GBP7: variants seen among roughly 807,000 people sequenced by gnomAD.
The protein encoded by GBP7 is guanylate-binding protein 7.
A neutral mutation model predicts 61.3 loss-of-function variants in GBP7; 43 were observed. The ratio of observed to expected loss-of-function variants is 0.70; its 90% CI spans 0.55 to 0.91. GBP7 has a LOEUF of 0.91. GBP7 is among the 40% of genes least tolerant of loss of function. The probability of loss-of-function intolerance (pLI) is 0.00; values close to 1 mark genes in which losing one functional copy is unlikely to be tolerated. For missense variants in GBP7, 717 were observed against 740.5 expected (o/e 0.97, Z 0.37); for synonymous variants, 267 against 271.0 (o/e 0.99, Z 0.14).
chr1:89,138,768 T>C (rs1557452314), intron 9 of GBP7, among the ~76,000 whole-genome samples: 1 of 152,124 alleles, frequency 6.6e-6, no homozygotes, highest in East Asian at 1.9e-4. Context: ...ACATAGGCAC[T>C]GGCAAAGATT....
chr1:89,166,910 C>T (rs1192760157), intron 2 of GBP7, among the ~76,000 whole-genome samples: 1 of 152,220 alleles, frequency 6.6e-6, no homozygotes, highest in East Asian at 1.9e-4. Context: ...GAGTAAGCTC[C>T]TGTAAACAAA....
intron 3 of GBP7, among the ~76,000 whole-genome samples, chr1:89,160,257 T>C (rs1218345334): frequency 6.6e-6 from 1 of 152,132 alleles, no homozygotes; most frequent in Non-Finnish European, 1.5e-5. Context: ...ATATACCTAA[T>C]GTAAATGACA....
intron 2 of GBP7, among the ~76,000 whole-genome samples, chr1:89,165,714 A>G (rs1647406907): frequency 1.3e-5 from 2 of 151,736 alleles, no homozygotes; most frequent in African/African-American, 2.4e-5. Flanking sequence ...TGGGGGTCCA[A>G]CAATGGGGAC....
In GBP7 at chr1:89,165,500, CAA is replaced by C. The variant is rs373264074; in HGVS notation, c.191-644_191-643del. On this transcript the variant is annotated intron_variant, in intron 2 of 10. Coordinates refer to ENST00000294671, the MANE Select transcript of GBP7 (RefSeq NM_207398.3). ...CTGGTGACAGAGTGAGACTCCGTCT[CAA>C]AAAAAAAGAAAAAAAAAAAAAGCCA... Among the ~76,000 whole-genome samples the C allele has an allele frequency of 2.8e-3, 166 of 59,730 alleles. 1 individual carries two copies. Among genetic ancestry groups the C allele is most frequent in the Non-Finnish European group, 4.5e-3 (122 of 27,050 alleles). The allele number at this position is 59,730 out of a possible 152,430, so 39.2% of individuals were successfully genotyped here. A position where few individuals can be genotyped will look rare whatever the true frequency, so the allele number is the denominator to read the frequency against.
At chr1:89,141,453 C>T (rs1190242306) in intron 9 of GBP7, 93 bp downstream of exon 9, 1 of 1,075,684 alleles carries the variant, frequency 9.3e-7, no homozygotes, top group African/African-American at 1.6e-5. Flanking sequence ...GAGAAGAAAG[C>T]TCCTGGTATA....
chr1:89,144,304 T>A (rs1482932883), intron 8 of GBP7, among the ~76,000 whole-genome samples: 1 of 152,230 alleles, frequency 6.6e-6, no homozygotes, highest in Non-Finnish European at 1.5e-5. Flanking sequence ...TGATTCTGTG[T>A]CTTTGCTATT....
intron 3 of GBP7, among the ~76,000 whole-genome samples, chr1:89,154,201 C>A (rs113748606): frequency 6.6e-6 from 1 of 152,112 alleles, no homozygotes; most frequent in African/African-American, 2.4e-5. Context: ...AGTTTATGCC[C>A]ATTACAATCT....
At position 89,132,336 on chromosome 1, in the gene GBP7, C is replaced by T. The variant is rs138254173; in HGVS notation, c.1730G>A (p.Arg577Gln). Residue 577 changes from arginine (R) to glutamine (Q), a missense_variant, in exon 11 of 11, where the codon CGA becomes CAA. Around this residue, in one of 3 missense-constraint regions of GBP7, gnomAD observed 312 missense variants for 310.1 expected, o/e 1.01. Transcript: ENST00000294671. ...IFESLNEEIN[R>Q]LKEQIEAAEN... ...AGCTGCTTCAATTTGTTCTTTCAGT[C>T]GATTAATCTCTTCATTTAACGACTC... 5.0e-5 allele frequency: 81 copies of T among 1,612,928 alleles called. No individual in the cohort carries two copies. The African/African-American group carries it at 6.8e-4, about 14-fold the overall frequency.
At chr1:89,144,175 A>G (rs1446357276) in intron 8 of GBP7, among the ~76,000 whole-genome samples, 2 of 152,286 alleles carry the variant, frequency 1.3e-5, no homozygotes, top group East Asian at 3.9e-4. Context: ...AATGGCCTCC[A>G]GATGCATCCA....
At position 89,162,744 on chromosome 1, in the gene GBP7, GC is replaced by G. The variant is rs1647311139; in HGVS notation, c.318+1986del. 2.0e-5 allele frequency among the ~76,000 whole-genome samples: 3 copies of G among 152,194 alleles called. No individual in the cohort carries two copies. The South Asian group carries it at 6.2e-4, about 32-fold the overall frequency. On this transcript the variant is annotated intron_variant, in intron 3 of 10. Transcript: ENST00000294671. ...TGACTTCCTCTTTTCCTGTTTGGAT[GC>G]CCTTTATTGCTTTCTCTTGCCTGAT...
intron 3 of GBP7, among the ~76,000 whole-genome samples, chr1:89,161,534 CT>C (rs944993539): frequency 6.7e-5 from 10 of 149,310 alleles, no homozygotes; most frequent in African/African-American, 2.2e-4. Context: ...TGATGTTAAG[CT>C]TTTTTTTTTC....
chr1:89,150,232 T>C, intron 6 of GBP7, 98 bp downstream of exon 6: 1 of 1,130,726 alleles, frequency 8.8e-7, no homozygotes, highest in Non-Finnish European at 1.3e-6. Flanking sequence ...AACACAGATG[T>C]TATCTCCTTA....
At chr1:89,148,980 T>A (rs1682130127) in intron 7 of GBP7, among the ~76,000 whole-genome samples, 1 of 152,170 alleles carries the variant, frequency 6.6e-6, no homozygotes, top group South Asian at 2.1e-4. Context: ...AACTCAAATA[T>A]TTGTCATTCT....
intron 10 of GBP7, among the ~76,000 whole-genome samples, chr1:89,133,020 C>T (rs929940492): frequency 1.3e-5 from 2 of 152,208 alleles, no homozygotes; most frequent in African/African-American, 4.8e-5. Flanking sequence ...TCACCACAAA[C>T]AGCAGCCCAG....
At chr1:89,174,074 T>C (rs1373840199) in intron 1 of GBP7, among the ~76,000 whole-genome samples, 1 of 152,232 alleles carries the variant, frequency 6.6e-6, no homozygotes, top group Admixed American at 6.5e-5. Flanking sequence ...CATAGAAAGC[T>C]TTTAAAATCC....
Position 89,171,963 on chromosome 1 carries a change from A to G in GBP7, c.-19-9T>C. 2.5e-6 allele frequency: 4 copies of G among 1,585,964 alleles called. No individual in the cohort carries two copies. Among genetic ancestry groups the G allele is most frequent in the African/African-American group, 2.7e-5 (2 of 74,338 alleles). The stretch of plus-strand genomic sequence containing the variant: ...TCAGGGCGTTCCTCTGTCTGCAAGG[A>G]AAAAATGAAATGGAAAGTAATGTCT... On this transcript the variant is annotated splice_polypyrimidine_tract_variant and intron_variant, in intron 1 of 10. Coordinates refer to ENST00000294671, the MANE Select transcript of GBP7 (RefSeq NM_207398.3).
At chr1:89,148,538 C>G (rs981488938) in intron 7 of GBP7, among the ~76,000 whole-genome samples, 1 of 152,180 alleles carries the variant, frequency 6.6e-6, no homozygotes, top group African/African-American at 2.4e-5. Flanking sequence ...TTAAGAATTA[C>G]CAAATTACAT....
chr1:89,168,208 C>T (rs546247100), intron 2 of GBP7, among the ~76,000 whole-genome samples: 57 of 151,992 alleles, frequency 3.8e-4, no homozygotes, highest in Non-Finnish European at 6.3e-4. Flanking sequence ...CTTACTTTTT[C>T]GCTTGGTTAC....
Position 89,147,773 on chromosome 1 carries a change from T to C in GBP7, c.1159A>G (p.Met387Val). ...QEFQKKLVDT[M>V]EKKKEDFVLQ... ...ACAAAGTCTTCCTTCTTTTTCTCCA[T>C]GGTGTCCTGCCAGAAAAGTGTAGGG... is the stretch of plus-strand genomic sequence containing the variant. Residue 387 changes from methionine (M) to valine (V), a missense_variant, in exon 8 of 11, where the codon ATG becomes GTG. Met to Val is a conservative substitution (Grantham distance 21). This residue lies in a region of GBP7 where 312 missense variants were observed against 310.1 expected (regional missense o/e 1.01). Coordinates refer to ENST00000294671, the MANE Select transcript of GBP7 (RefSeq NM_207398.3). 2.5e-6 allele frequency: 4 copies of C among 1,613,992 alleles called. No individual in the cohort carries two copies. Among genetic ancestry groups the C allele is most frequent in the Non-Finnish European group, 3.4e-6 (4 of 1,179,934 alleles).
Sources: allele counts gnomAD v4.1 joint callset (sites outside exome capture counted in the v4.1 genomes callset), GRCh38; gene constraint gnomAD v4.1.1; regional missense constraint gnomAD v4.1.1; transcripts MANE v1.5; gene names NCBI Gene and HGNC (gene_info 2026-07-23, HGNC 2026-07-21).